The following CFDP1 variants were observed in gnomAD, a reference collection of about 807,000 sequenced individuals.
CFDP1 encodes chromatin remodeling protein CFDP1, also known as heterochromatin-stabilizing protein CFDP1.
A neutral mutation model predicts 40.1 loss-of-function variants in CFDP1; 31 were observed. The ratio of observed to expected loss-of-function variants is 0.77; its 90% CI spans 0.58 to 1.04. CFDP1 has a LOEUF of 1.04. CFDP1 is among the 50% of genes least tolerant of loss of function. The probability of loss-of-function intolerance (pLI) is 0.00; values close to 1 mark genes in which losing one functional copy is unlikely to be tolerated. For synonymous variants in CFDP1, 167 were observed against 120.0 expected (o/e 1.39, Z -2.56); for missense variants, 423 against 343.4 (o/e 1.23, Z -1.83).
At position 75,312,284 on chromosome 16, in the gene CFDP1, C is replaced by T. The variant is rs539368394; in HGVS notation, c.651-7102G>A. On this transcript the variant is annotated intron_variant, in intron 5 of 6. Transcript: ENST00000283882. ...GTATTGACAGTACTCTATGGGACAA[C>T]GGCCTCAGGAAAGCAGAAAACCAGA... 1.9e-3 allele frequency among the ~76,000 whole-genome samples: 294 copies of T among 152,248 alleles called. 1 individual carries two copies. Among genetic ancestry groups the T allele is most frequent in the African/African-American group, 6.8e-3 (283 of 41,560 alleles).
At chr16:75,372,927 G>A (rs889466131) in intron 5 of CFDP1, among the ~76,000 whole-genome samples, 1 of 152,152 alleles carries the variant, frequency 6.6e-6, no homozygotes, top group African/African-American at 2.4e-5. Flanking sequence ...ACTGCTAACT[G>A]AAAAGGGAAA....
intron 5 of CFDP1, among the ~76,000 whole-genome samples, chr16:75,318,155 G>C (rs965401681): frequency 1.3e-5 from 2 of 151,828 alleles, no homozygotes; most frequent in African/African-American, 4.8e-5. Context: ...AAAAGAAAAA[G>C]GTCAATGACC....
At chr16:75,421,877 T>A (rs1232970673) in intron 1 of CFDP1, among the ~76,000 whole-genome samples, 1 of 152,170 alleles carries the variant, frequency 6.6e-6, no homozygotes, top group African/African-American at 2.4e-5. Flanking sequence ...AACCCACAGA[T>A]GTTCAAGTCC....
chr16:75,368,918 A>G (rs1485774622), intron 5 of CFDP1, among the ~76,000 whole-genome samples: 2 of 152,066 alleles, frequency 1.3e-5, no homozygotes, highest in Non-Finnish European at 2.9e-5. Flanking sequence ...ACACATTTTC[A>G]TTGTGGGTAT....
chr16:75,346,614 A>AAGAGTACCAGGTGG (rs1194216738), intron 5 of CFDP1, among the ~76,000 whole-genome samples: 1 of 126,658 alleles, frequency 7.9e-6, no homozygotes, highest in African/African-American at 3.0e-5. Flanking sequence ...AAAAAAAAAA[A>AAGAGTACCAGGTGG]AGAGTACCAG....
chr16:75,352,007 CAAAAAAA>C (rs3975153), intron 5 of CFDP1, among the ~76,000 whole-genome samples: 23 of 86,766 alleles, frequency 2.7e-4, no homozygotes, highest in Admixed American at 1.5e-3. Context: ...GACTCTGTCT[CAAAAAAA>C]AAAAAAAAAA....
chr16:75,355,877 T>G (rs1302795999), intron 5 of CFDP1, among the ~76,000 whole-genome samples: 1 of 152,224 alleles, frequency 6.6e-6, no homozygotes, highest in African/African-American at 2.4e-5. Context: ...CTCTTTTCTT[T>G]ACAAATTACC....
intron 4 of CFDP1, among the ~76,000 whole-genome samples, chr16:75,399,635 T>C (rs1264316613): frequency 6.6e-6 from 1 of 151,578 alleles, no homozygotes; most frequent in African/African-American, 2.4e-5. Flanking sequence ...TGCCTTGGCC[T>C]CCCAGTGCTG....
chr16:75,330,584 C>T (rs59749750), intron 5 of CFDP1, among the ~76,000 whole-genome samples: 415 of 152,244 alleles, frequency 2.7e-3, no homozygotes, highest in African/African-American at 9.6e-3. Context: ...AGTGAAACTC[C>T]ATCTCGAAAC....
At chr16:75,323,875 A>C (rs2078384369) in intron 5 of CFDP1, among the ~76,000 whole-genome samples, 1 of 152,170 alleles carries the variant, frequency 6.6e-6, no homozygotes, top group Non-Finnish European at 1.5e-5. Flanking sequence ...GTTTGTTTAC[A>C]CCAGCATCAC....
intron 5 of CFDP1, among the ~76,000 whole-genome samples, chr16:75,363,972 C>CACACACAG (rs1444591975): frequency 7.2e-5 from 11 of 151,736 alleles, no homozygotes; most frequent in African/African-American, 1.9e-4. Flanking sequence ...CACACACACA[C>CACACACAG]AGCCATGCAA....
intron 6 of CFDP1, among the ~76,000 whole-genome samples, chr16:75,300,552 G>A (rs1377850825): frequency 6.6e-6 from 1 of 152,168 alleles, no homozygotes; most frequent in East Asian, 1.9e-4. Context: ...CTCCCAAAGT[G>A]TTGGGATTAC....
intron 5 of CFDP1, among the ~76,000 whole-genome samples, chr16:75,348,667 C>T (rs2151524513): frequency 6.6e-6 from 1 of 152,184 alleles, no homozygotes; most frequent in Admixed American, 6.5e-5. Flanking sequence ...ATAATTTGCA[C>T]ATCATAAGAT....
chr16:75,414,495 A>C lies in CFDP1; in HGVS notation c.182+83T>G, dbSNP rs2079187513. 3 of 812,640 alleles carry C rather than the reference A, an allele frequency of 3.7e-6. No individual in the cohort carries two copies. In the East Asian group the frequency reaches 7.3e-5, roughly 20 times the overall value. 50.3% of individuals were successfully genotyped at this position (812,640 alleles called of 1,614,324 possible). ...AGGGTTAGAAACTCTGGCTTCATTA[A>C]ATCTATCATGAGACCAATCTTAGCA... On this transcript the variant is annotated intron_variant, in intron 2 of 6. Coordinates refer to ENST00000283882, the MANE Select transcript of CFDP1 (RefSeq NM_006324.3).
At chr16:75,349,956 T>C (rs2078599160) in intron 5 of CFDP1, among the ~76,000 whole-genome samples, 1 of 152,028 alleles carries the variant, frequency 6.6e-6, no homozygotes, top group African/African-American at 2.4e-5. Context: ...CTTGTCTTTT[T>C]CCTATCTTAG....
At chr16:75,426,559 C>T (rs1024122170) in intron 1 of CFDP1, among the ~76,000 whole-genome samples, 2 of 151,834 alleles carry the variant, frequency 1.3e-5, no homozygotes, top group African/African-American at 4.8e-5. Context: ...GCCTGTAGTC[C>T]CAGTTACTAC....
At chr16:75,362,126 A>G (rs1397981229) in intron 5 of CFDP1, among the ~76,000 whole-genome samples, 1 of 152,240 alleles carries the variant, frequency 6.6e-6, no homozygotes, top group Non-Finnish European at 1.5e-5. Flanking sequence ...ATTGGGTAAT[A>G]AGTCAGACGG....
intron 5 of CFDP1, among the ~76,000 whole-genome samples, chr16:75,363,312 A>C (rs2078692164): frequency 6.6e-6 from 1 of 151,078 alleles, no homozygotes. Flanking sequence ...CTCTTGTGAC[A>C]CTCCTAAATG....
intron 5 of CFDP1, among the ~76,000 whole-genome samples, chr16:75,368,204 AAATATG>A (rs2078729337): frequency 6.6e-6 from 1 of 152,248 alleles, no homozygotes; most frequent in African/African-American, 2.4e-5. Context: ...ACAATTAAGG[AAATATG>A]AACACTGACT....
Sources: gnomAD v4.1 joint callset for allele counts (sites outside exome capture counted in the v4.1 genomes callset) on GRCh38, gnomAD v4.1.1 for gene constraint, MANE v1.5 for transcripts, NCBI Gene and HGNC (gene_info 2026-07-23, HGNC 2026-07-21) for gene names.